Variants in PPP1R9A observed in about 807,000 individuals in gnomAD.
PPP1R9A encodes the protein protein phosphatase 1 regulatory subunit 9A, also known as neurabin-1.
PPP1R9A carries 59 observed loss-of-function variants against 141.9 expected under a neutral mutation model. The observed-to-expected ratio is 0.42, with a 90% CI of 0.34 to 0.52. The LOEUF (loss-of-function observed/expected upper bound fraction) is 0.52. Ranked by LOEUF, PPP1R9A falls within the 20% of genes least tolerant of loss-of-function variation. The probability of loss-of-function intolerance (pLI) is 0.10; values close to 1 mark genes in which losing one functional copy is unlikely to be tolerated. For synonymous variants in PPP1R9A, 500 were observed against 569.7 expected, an observed-to-expected ratio of 0.88 and a Z score of 1.74; for missense variants, 1,444 against 1,611.9, an observed-to-expected ratio of 0.90 and a Z score of 1.78.
At chr7:95,001,743 C>T (rs1287524921) in intron 2 of PPP1R9A, among the ~76,000 whole-genome samples, 1 of 152,130 alleles carries the variant, frequency 6.6e-6, no homozygotes, top group Non-Finnish European at 1.5e-5. Context: ...CCTCTGAAAG[C>T]TGGAGCCTAC....
At chr7:94,913,980 A>G (rs1237102806) in intron 2 of PPP1R9A, among the ~76,000 whole-genome samples, 1 of 152,198 alleles carries the variant, frequency 6.6e-6, no homozygotes, top group East Asian at 1.9e-4. Context: ...CTAAATGCAT[A>G]TAGTGAAAGG....
At chr7:95,185,378 A>ATTTTTTTTTTTTTTTTTTTTTT (rs147366122) in intron 5 of PPP1R9A, among the ~76,000 whole-genome samples, 1 of 148,810 alleles carries the variant, frequency 6.7e-6, no homozygotes, top group African/African-American at 2.5e-5. Context: ...TTTTTATGGG[A>ATTTTTTTTTTTTTTTTTTTTTT]TTTTTTTTTT....
chr7:94,963,557 C>A (rs1238192143), intron 2 of PPP1R9A, among the ~76,000 whole-genome samples: 1 of 152,116 alleles, frequency 6.6e-6, no homozygotes, highest in Non-Finnish European at 1.5e-5. Flanking sequence ...ATGTGGTCTT[C>A]TGTGTCTTCT....
intron 6 of PPP1R9A, chr7:95,202,549 C>G (rs118179075): frequency 0.032 from 26,904 of 834,228 alleles, 453 homozygotes; most frequent in Non-Finnish European, 0.036. Flanking sequence ...TTTCTCTTTT[C>G]TTTTTTTTAA....
intron 2 of PPP1R9A, among the ~76,000 whole-genome samples, chr7:95,051,152 T>C (rs1810738829): frequency 6.6e-6 from 1 of 152,156 alleles, no homozygotes; most frequent in Non-Finnish European, 1.5e-5. Context: ...GGTTATGGTC[T>C]GTGTCTTGGT....
At chr7:95,282,911 A>T (rs1478112399) in intron 16 of PPP1R9A, among the ~76,000 whole-genome samples, 4 of 152,224 alleles carry the variant, frequency 2.6e-5, no homozygotes, top group Non-Finnish European at 5.9e-5. Flanking sequence ...TATACTATTT[A>T]TATAAACTGG....
intron 2 of PPP1R9A, among the ~76,000 whole-genome samples, chr7:94,990,669 T>G (rs573814777): frequency 3.3e-5 from 5 of 152,116 alleles, no homozygotes; most frequent in Non-Finnish European, 7.4e-5. Context: ...GCTGTAATTT[T>G]GTATTCTTTA....
At chr7:94,996,108 G>A (rs903677411) in intron 2 of PPP1R9A, among the ~76,000 whole-genome samples, 20 of 152,168 alleles carry the variant, frequency 1.3e-4, no homozygotes, top group African/African-American at 4.8e-4. Flanking sequence ...CTGGTAGAAG[G>A]ACTGGATATA....
chr7:95,146,553 A>G (rs1201654370), intron 4 of PPP1R9A, among the ~76,000 whole-genome samples: 1 of 152,076 alleles, frequency 6.6e-6, no homozygotes, highest in Non-Finnish European at 1.5e-5. Flanking sequence ...TTGGTGTTTT[A>G]GTCATGAAGT....
At chr7:95,045,731 T>C (rs1809917033) in intron 2 of PPP1R9A, among the ~76,000 whole-genome samples, 1 of 152,214 alleles carries the variant, frequency 6.6e-6, no homozygotes, top group Admixed American at 6.5e-5. Flanking sequence ...ACATTTCTAG[T>C]GGGCGAGGGG....
At chr7:95,265,475 A>G (rs968879189) in intron 12 of PPP1R9A, among the ~76,000 whole-genome samples, 2 of 152,198 alleles carry the variant, frequency 1.3e-5, no homozygotes, top group African/African-American at 2.4e-5. Context: ...TACATGATGG[A>G]AAAAGATAGC....
intron 14 of PPP1R9A, among the ~76,000 whole-genome samples, chr7:95,272,536 T>C (rs1407286178): frequency 6.6e-6 from 1 of 152,172 alleles, no homozygotes; most frequent in African/African-American, 2.4e-5. Flanking sequence ...GACTCTTGTG[T>C]TTCATTATGT....
At chr7:95,245,375 G>A (rs773326404) in intron 8 of PPP1R9A, among the ~76,000 whole-genome samples, 6 of 152,122 alleles carry the variant, frequency 3.9e-5, no homozygotes, top group Admixed American at 6.5e-5. Context: ...GGATCAGAAC[G>A]AGAAGATCCA....
intron 2 of PPP1R9A, among the ~76,000 whole-genome samples, chr7:95,099,674 A>C (rs1353532340): frequency 2.0e-5 from 3 of 152,182 alleles, no homozygotes; most frequent in African/African-American, 7.2e-5. Flanking sequence ...AGGCTTTTCT[A>C]GGCAATACTA....
chr7:95,155,790 A>G (rs1378729468), intron 4 of PPP1R9A: 1 of 152,248 alleles, frequency 6.6e-6, no homozygotes, highest in East Asian at 1.9e-4. Context: ...AAGACAAGTT[A>G]ATGAATTTTA....
At chr7:95,183,739 G>T (rs151187122) in intron 5 of PPP1R9A, among the ~76,000 whole-genome samples, 2 of 151,824 alleles carry the variant, frequency 1.3e-5, no homozygotes, top group Non-Finnish European at 2.9e-5. Flanking sequence ...GAGCCACAGC[G>T]CCCAGCCAAA....
At chr7:95,078,561 C>A (rs1815240897) in intron 2 of PPP1R9A, among the ~76,000 whole-genome samples, 1 of 152,132 alleles carries the variant, frequency 6.6e-6, no homozygotes, top group Admixed American at 6.5e-5. Context: ...GCCACACTGA[C>A]TTCCACAAGG....
At chr7:94,939,247 T>G (rs1196469977) in intron 2 of PPP1R9A, among the ~76,000 whole-genome samples, 1 of 152,166 alleles carries the variant, frequency 6.6e-6, no homozygotes, top group Admixed American at 6.6e-5. Flanking sequence ...TTTTGGGAAT[T>G]AAATTAATAT....
Position 95,198,081 on chromosome 7 carries a change from C to T in PPP1R9A, c.1755-268C>T, listed in dbSNP as rs113135044. ...GTGTAAAGTACTGCAGAATGGGTTA[C>T]GTATATTACATCTTCTCTTAAAATG... On this transcript the variant is annotated intron_variant, in intron 5 of 19. Transcript: ENST00000433360. 6.5e-4 allele frequency among the ~76,000 whole-genome samples: 99 copies of T among 152,232 alleles called. 1 individual carries two copies. Among genetic ancestry groups the T allele is most frequent in the African/African-American group, 2.2e-3 (91 of 41,536 alleles).
Sources: allele counts gnomAD v4.1 joint callset (sites outside exome capture counted in the v4.1 genomes callset), GRCh38; gene constraint gnomAD v4.1.1; transcripts MANE v1.5; gene names NCBI Gene and HGNC (gene_info 2026-07-23, HGNC 2026-07-21).